The following ARHGAP21 variants were observed in gnomAD, a reference collection of about 807,000 sequenced individuals.
ARHGAP21 encodes the protein Rho GTPase activating protein 21.
ARHGAP21 carries 38 observed loss-of-function variants against 164.6 expected under a neutral mutation model. That is an observed-to-expected ratio of 0.23 (90% CI 0.18 to 0.30). The LOEUF is 0.30. ARHGAP21 is among the 10% of genes least tolerant of loss of function. The probability of loss-of-function intolerance (pLI) is 1.00; values close to 1 mark genes in which losing one functional copy is unlikely to be tolerated. For synonymous variants in ARHGAP21, 766 were observed against 857.9 expected (o/e 0.89, Z 1.87); for missense variants, 1,822 against 2,370.7 (o/e 0.77, Z 4.81).
chr10:24,585,393 A>G lies in ARHGAP21; in HGVS notation c.4896T>C (p.Pro1632=). 1.2e-6 allele frequency: 2 copies of G among 1,614,038 alleles called. No homozygotes were observed. The highest frequency in any genetic ancestry group is 1.1e-5 in the South Asian group (1 of 91,078). ...ERSELISEGR[P]VETDSESEFP... is the part of the protein sequence containing the mutation. ...ACTCGCTCTCGCTGTCGGTTTCCAC[A>G]GGCCGCCCTTCACTGATGAGTTCGC... is the stretch of plus-strand genomic sequence containing the variant. The change falls in exon 26 of 26, where the codon CCT becomes CCC. Residue 1632 remains proline (P), a synonymous_variant. Coordinates refer to ENST00000396432, the MANE Select transcript of ARHGAP21 (RefSeq NM_020824.4).
rs2076325909 is a variant in ARHGAP21 at position 24,591,439 on chromosome 10, A to T, written c.4045-109T>A. 3.5e-6 allele frequency: 4 copies of T among 1,136,136 alleles called. No homozygotes were observed. In the African/African-American group the frequency reaches 6.2e-5, roughly 18 times the overall value. 70.4% of individuals were successfully genotyped at this position (1,136,136 alleles called of 1,614,324 possible). On this transcript the variant is annotated intron_variant, in intron 23 of 25. Coordinates refer to ENST00000396432, the MANE Select transcript of ARHGAP21 (RefSeq NM_020824.4). ...ATTACTAAGTAAAGCACCTGTGCTT[A>T]ATGTGTTTACATTGTTTACGCATAA...
At chr10:24,702,317 G>C (rs1843755535) in intron 2 of ARHGAP21, among the ~76,000 whole-genome samples, 1 of 151,750 alleles carries the variant, frequency 6.6e-6, no homozygotes, top group Non-Finnish European at 1.5e-5. Context: ...ATTTTTAGTA[G>C]AGACGGGGTT....
chr10:24,584,405 C>G lies in ARHGAP21; in HGVS notation c.*7G>C. On this transcript the variant is annotated 3_prime_UTR_variant, in exon 26 of 26. Coordinates refer to ENST00000396432, the MANE Select transcript of ARHGAP21 (RefSeq NM_020824.4). ...TTTTTACTTGCTAGAGTGGACATAC[C>G]CCCAGTTTAAAGACAGGGATGAAAC... 6.3e-7 allele frequency: 1 copy of G among 1,585,064 alleles called. No homozygotes were observed. Among genetic ancestry groups the G allele is most frequent in the Non-Finnish European group, 8.6e-7 (1 of 1,167,058 alleles).
chr10:24,717,015 G>GCA (rs1466094316), intron 2 of ARHGAP21, among the ~76,000 whole-genome samples: 3 of 152,212 alleles, frequency 2.0e-5, no homozygotes, highest in Admixed American at 1.3e-4. Flanking sequence ...AGACAGAGGA[G>GCA]CAGGTCAGCA....
Position 24,619,674 on chromosome 10 carries a change from G to A in ARHGAP21, c.2221C>T (p.Pro741Ser), listed in dbSNP as rs1834349489. 6.2e-7 allele frequency: 1 copy of A among 1,614,062 alleles called. No individual in the cohort carries two copies. The highest frequency in any genetic ancestry group is 1.7e-5 in the Admixed American group (1 of 59,994). ...NKEAVILREK[P>S]PSGRQTPQPL... Reference sequence around the variant, plus strand: ...TGCGGTGTCTGGCGTCCAGATGGAGGTTTTTCCCTTAGGATGACAGCTTCT... The same window carrying A: ...TGCGGTGTCTGGCGTCCAGATGGAGATTTTTCCCTTAGGATGACAGCTTCT... The change falls in exon 9 of 26, where the codon CCT (proline) becomes TCT (serine). Residue 741 changes from proline to serine, a missense_variant. By Grantham distance (74) the Pro-to-Ser change is moderately conservative (BLOSUM62 -1). Coordinates refer to ENST00000396432, the MANE Select transcript of ARHGAP21 (RefSeq NM_020824.4).
In ARHGAP21 at chr10:24,669,863, T is replaced by C. The variant is rs575331241; in HGVS notation, c.243+355A>G. Reference sequence around the variant, plus strand: ...TAATTTTCTATAACTGCTAGAATATTTCAGTGAACCATTTCCTTTGCATAG... The same window carrying C: ...TAATTTTCTATAACTGCTAGAATATCTCAGTGAACCATTTCCTTTGCATAG... On this transcript the variant is annotated intron_variant, in intron 3 of 25. Coordinates refer to ENST00000396432, the MANE Select transcript of ARHGAP21 (RefSeq NM_020824.4). 9.2e-5 allele frequency among the ~76,000 whole-genome samples: 14 copies of C among 152,356 alleles called. No homozygotes were observed. In the South Asian group the frequency reaches 2.7e-3, roughly 29 times the overall value.
Position 24,596,734 on chromosome 10 carries a change from T to G in ARHGAP21, c.3477+6A>C. On this transcript the variant is annotated splice_donor_region_variant and intron_variant, in intron 17 of 25. Coordinates refer to ENST00000396432, the MANE Select transcript of ARHGAP21 (RefSeq NM_020824.4). ...TGAGGAAATCCGGTGGGCTGGTGTCTCCTACCCGATTAGTATGAGCTGGTG... is the reference window on the plus strand; with the variant it reads ...TGAGGAAATCCGGTGGGCTGGTGTCGCCTACCCGATTAGTATGAGCTGGTG... The G allele has an allele frequency of 6.2e-7, 1 of 1,613,736 alleles. No homozygotes were observed. The highest frequency in any genetic ancestry group is 8.5e-7 in the Non-Finnish European group (1 of 1,179,886).
intron 4 of ARHGAP21, among the ~76,000 whole-genome samples, chr10:24,655,249 C>A (rs938505057): frequency 2.0e-5 from 3 of 152,158 alleles, no homozygotes; most frequent in African/African-American, 4.8e-5. Context: ...GCAATGGCAA[C>A]AAAAGGCAAA....
rs754906542 is a variant in ARHGAP21, at chr10:24,584,987, G to T, written c.5302C>A (p.Arg1768=). 1.1e-5 allele frequency: 18 copies of T among 1,613,940 alleles called. No individual in the cohort carries two copies. The highest frequency in any genetic ancestry group is 1.4e-5 in the Non-Finnish European group (17 of 1,179,868). ...EPTWKTKIAD[R]LKLRPRAPAD... is the part of the protein sequence containing the mutation. ...GGGGCTCTGGGTCTCAGTTTTAACC[G>T]ATCTGCTATTTTCGTTTTCCATGTG... Residue 1768 remains arginine (R), a synonymous_variant, in exon 26 of 26, where the codon CGG becomes AGG. Coordinates refer to ENST00000396432, the MANE Select transcript of ARHGAP21 (RefSeq NM_020824.4).
In ARHGAP21 at chr10:24,591,172, T is replaced by C. The variant is rs934068943; in HGVS notation, c.4150+53A>G. ...CTATGATTGATTTGCTCTTTCATAT[T>C]GTAAGAATGTAGCTTTCAGCCTAGA... On this transcript the variant is annotated intron_variant, in intron 24 of 25. Transcript: ENST00000396432. 16 of 1,393,640 alleles carry C rather than the reference T, an allele frequency of 1.1e-5. No homozygotes were observed. The Admixed American group carries it at 3.2e-4, about 28-fold the overall frequency. 86.3% of individuals were successfully genotyped at this position (1,393,640 alleles called of 1,614,324 possible). A position where few individuals can be genotyped will look rare whatever the true frequency, so the allele number is the denominator to read the frequency against.
At chr10:24,631,293 G>A (rs551968220) in intron 6 of ARHGAP21, among the ~76,000 whole-genome samples, 1 of 152,196 alleles carries the variant, frequency 6.6e-6, no homozygotes, top group African/African-American at 2.4e-5. Context: ...GAACCTGGGA[G>A]GCGGACATTG....
rs913286043 is a variant in ARHGAP21, at chr10:24,585,456, C to A, written c.4833G>T (p.Val1611=). The A allele has an allele frequency of 1.2e-6, 2 of 1,614,070 alleles. No homozygotes were observed. The highest frequency in any genetic ancestry group is 2.7e-5 in the African/African-American group (2 of 75,014). Residue 1611 remains valine, a synonymous_variant, in exon 26 of 26, where the codon GTG becomes GTT. Transcript: ENST00000396432. ...SSRLSPEVQS[V]AESKGDEADD... Reference sequence around the variant, plus strand: ...CTGCCTCGTCCCCCTTGCTCTCTGCCACGGATTGCACCTCAGGGCTCAGTC... The same window carrying A: ...CTGCCTCGTCCCCCTTGCTCTCTGCAACGGATTGCACCTCAGGGCTCAGTC...
chr10:24,600,458 T>C (rs2076768823), intron 14 of ARHGAP21, among the ~76,000 whole-genome samples, 188 bp downstream of exon 14: 1 of 152,214 alleles, frequency 6.6e-6, no homozygotes, highest in African/African-American at 2.4e-5. Context: ...AGTTCAGTGA[T>C]GGTGATTTTC....
intron 1 of ARHGAP21, chr10:24,722,593 C>T (rs1300727176): frequency 6.6e-6 from 1 of 152,316 alleles, no homozygotes; most frequent in Admixed American, 6.5e-5. Context: ...TTCTGCATCA[C>T]CCAGACAGGG....
Position 24,670,155 on chromosome 10 carries a change from CT to C in ARHGAP21, c.243+62del, listed in dbSNP as rs1840566641. ...GCCATAGGGAAGGGTAAGAGGAAGA[CT>C]AGAAGGGGATAGGAATGGCCTTGTG... On this transcript the variant is annotated intron_variant, in intron 3 of 25. Coordinates refer to ENST00000396432, the MANE Select transcript of ARHGAP21 (RefSeq NM_020824.4). 2.5e-6 allele frequency: 3 copies of C among 1,214,396 alleles called. No individual in the cohort carries two copies. In the Admixed American group the frequency reaches 7.3e-5, roughly 30 times the overall value. The allele number at this position is 1,214,396 out of a possible 1,614,324, so 75.2% of individuals were successfully genotyped here. A position where few individuals can be genotyped will look rare whatever the true frequency, so the allele number is the denominator to read the frequency against.
intron 9 of ARHGAP21, among the ~76,000 whole-genome samples, chr10:24,611,155 C>T (rs941472434): frequency 6.6e-6 from 1 of 152,158 alleles, no homozygotes; most frequent in African/African-American, 2.4e-5. Context: ...ATGATCTAGG[C>T]CTGACCAACC....
Position 24,723,673 on chromosome 10 carries a change from C to CCCG in ARHGAP21, c.-495_-493dup, listed in dbSNP as rs558378115. 3,377 of 147,754 alleles carry CCCG rather than the reference C, an allele frequency of 0.023. 58 individuals are homozygous for CCCG. The highest frequency in any genetic ancestry group is 0.036 in the Middle Eastern group (10 of 280). The allele number at this position is 147,754 out of a possible 1,614,324, so 9.2% of individuals were successfully genotyped here. A position where few individuals can be genotyped will look rare whatever the true frequency, so the allele number is the denominator to read the frequency against. ...CCCGCAGCCGGACGATCCCGCGCTG[C>CCCG]CCGCCGCCGCCGCCGCCGCCGCCGC... On this transcript the variant is annotated 5_prime_UTR_variant, in exon 1 of 26. Coordinates refer to ENST00000396432, the MANE Select transcript of ARHGAP21 (RefSeq NM_020824.4).
intron 17 of ARHGAP21, chr10:24,596,466 T>C (rs899974026): frequency 1.5e-5 from 8 of 539,102 alleles, no homozygotes; most frequent in Admixed American, 3.7e-5. Flanking sequence ...ATCCTTGTTT[T>C]AAAATGCTAA....
intron 4 of ARHGAP21, among the ~76,000 whole-genome samples, chr10:24,665,726 C>CTAACAA (rs1193713279): frequency 6.6e-6 from 1 of 152,174 alleles, no homozygotes; most frequent in Non-Finnish European, 1.5e-5. Context: ...AAACTATACA[C>CTAACAA]TTACAATAGA....
Sources: gnomAD v4.1 joint callset for allele counts (sites outside exome capture counted in the v4.1 genomes callset) on GRCh38, gnomAD v4.1.1 for gene constraint, MANE v1.5 for transcripts, NCBI Gene and HGNC (gene_info 2026-07-23, HGNC 2026-07-21) for gene names.